OTOG: variants seen among roughly 807,000 people sequenced by gnomAD.
The protein encoded by OTOG is otogelin.
Under a neutral mutation model 313.8 loss-of-function variants are expected in OTOG, and 296 were observed. That is an observed-to-expected ratio of 0.94 (90% CI 0.86 to 1.04). The LOEUF (loss-of-function observed/expected upper bound fraction) is 1.04. Ranked by LOEUF, OTOG falls within the 50% of genes least tolerant of loss-of-function variation. The pLI, the probability that OTOG is intolerant of heterozygous loss-of-function variation, is 0.00. For missense variants in OTOG, 3,948 were observed against 3,840.1 expected (o/e 1.03, Z -0.74); for synonymous variants, 1,533 against 1,554.9 (o/e 0.99, Z 0.33).
Position 17,611,211 on chromosome 11 carries a change from G to A in OTOG, c.5911G>A (p.Ala1971Thr), listed in dbSNP as rs1158345720. Residue 1971 changes from alanine to threonine, a missense_variant, in exon 36 of 56, where the codon GCC (alanine) becomes ACC (threonine). Physicochemically the swap from Ala to Thr is moderately conservative, Grantham distance 58. Coordinates refer to ENST00000399397, the MANE Select transcript of OTOG (RefSeq NM_001292063.2). ...ATCCTATGCCCTGAGCCGTGTCTCA[G>A]CCAGGACGGCCCCCCAAGACAGCAT... ...PTSYALSRVSARTAPQDSMLV... is the reference protein window; with the variant it reads ...PTSYALSRVSTRTAPQDSMLV... The A allele has an allele frequency of 6.4e-7, 1 of 1,550,542 alleles. No individual in the cohort carries two copies. Among genetic ancestry groups the A allele is most frequent in the African/African-American group, 1.4e-5 (1 of 73,172 alleles).
At chr11:17,576,936 C>T in intron 22 of OTOG, 25 bp downstream of exon 22, 2 of 1,548,026 alleles carry the variant, frequency 1.3e-6, no homozygotes, top group Non-Finnish European at 1.7e-6. Context: ...AGGGGTGGAG[C>T]CCTTCTGGGG....
chr11:17,638,791 T>C (rs748622600), intron 48 of OTOG: 1 of 1,505,290 alleles, frequency 6.6e-7, no homozygotes, highest in South Asian at 1.2e-5. Context: ...CAAAGAGGGT[T>C]TCCGTCTTAA....
chr11:17,548,637 C>T (rs557596991), intron 3 of OTOG, among the ~76,000 whole-genome samples: 4 of 152,108 alleles, frequency 2.6e-5, no homozygotes, highest in African/African-American at 9.6e-5. Flanking sequence ...AGAATGCAGG[C>T]AAGACAAAAA....
At chr11:17,587,083 G>A (rs1180149984) in intron 24 of OTOG, among the ~76,000 whole-genome samples, 1 of 152,228 alleles carries the variant, frequency 6.6e-6, no homozygotes, top group African/African-American at 2.4e-5. Flanking sequence ...GTGGATGTAT[G>A]TTTTTAATGG....
At chr11:17,552,922 C>T (rs192129505) in intron 4 of OTOG, among the ~76,000 whole-genome samples, 197 bp from the exon 5 acceptor site, 8 of 152,332 alleles carry the variant, frequency 5.3e-5, no homozygotes, top group Admixed American at 2.6e-4. Context: ...AGATGCCCTG[C>T]GACCCCACCC....
intron 46 of OTOG, 110 bp from the exon 47 acceptor site, chr11:17,635,500 A>G: frequency 1.3e-6 from 1 of 798,042 alleles, no homozygotes. Context: ...GCCATTAGTT[A>G]GCTCCTGCCA....
rs1852076605 is a variant in OTOG, at chr11:17,557,255, T to C, written c.797T>C (p.Leu266Pro). 1 of 1,550,500 alleles carries C rather than the reference T, an allele frequency of 6.4e-7. No homozygotes were observed. The highest frequency in any genetic ancestry group is 2.0e-5 in the Admixed American group (1 of 50,990). Residue 266 changes from leucine (L) to proline (P), a missense_variant, in exon 8 of 56, where the codon CTG (leucine) becomes CCG (proline). By Grantham distance (98) the Leu-to-Pro change is moderately conservative. Coordinates refer to ENST00000399397, the MANE Select transcript of OTOG (RefSeq NM_001292063.2). ...TACATCAAGATGAGTCCAGAGCTTC[T>C]GGGCTGGACCCATGGGCTGTGTGGG... ...AVYIKMSPEL[L>P]GWTHGLCGNN... is the part of the protein sequence containing the mutation.
chr11:17,620,082 A>T (rs1449186165), intron 39 of OTOG, among the ~76,000 whole-genome samples: 1 of 151,816 alleles, frequency 6.6e-6, no homozygotes, highest in Non-Finnish European at 1.5e-5. Flanking sequence ...TCTTTTTTTT[A>T]TTGAGGAGAA....
chr11:17,641,116 G>T lies in OTOG; in HGVS notation c.8190+25G>T. On this transcript the variant is annotated intron_variant, in intron 51 of 55. Coordinates refer to ENST00000399397, the MANE Select transcript of OTOG (RefSeq NM_001292063.2). ...GGTAGGGTGCAGCCCAGGGCGGGGTGGGTGGGGTTGGGAGGGCTTGCCTGG... is the reference window on the plus strand; with the variant it reads ...GGTAGGGTGCAGCCCAGGGCGGGGTTGGTGGGGTTGGGAGGGCTTGCCTGG... The T allele has an allele frequency of 2.0e-6, 3 of 1,502,556 alleles. No individual in the cohort carries two copies. In the South Asian group the frequency reaches 3.7e-5, roughly 18 times the overall value. 93.1% of individuals were successfully genotyped at this position (1,502,556 alleles called of 1,614,324 possible).
chr11:17,613,576 G>A lies in OTOG; in HGVS notation c.6439-36G>A. On this transcript the variant is annotated intron_variant, in intron 38 of 55. Transcript: ENST00000399397. ...TCACTTGGAGGGGGACAGAGGACAG[G>A]GCTCCAAGTTGATGAGGGCTGGGTT... 3.9e-6 allele frequency: 6 copies of A among 1,520,888 alleles called. No individual in the cohort carries two copies. In the Admixed American group the frequency reaches 7.9e-5, roughly 20 times the overall value. The allele number at this position is 1,520,888 out of a possible 1,614,324, so 94.2% of individuals were successfully genotyped here.
intron 31 of OTOG, among the ~76,000 whole-genome samples, chr11:17,601,935 T>C (rs1590033854): frequency 6.6e-6 from 1 of 152,148 alleles, no homozygotes; most frequent in African/African-American, 2.4e-5. Flanking sequence ...GGGGCCCAGG[T>C]GCTCCCTGTG....
At position 17,586,599 on chromosome 11, in the gene OTOG, G is replaced by A. The variant is rs768318187; in HGVS notation, c.2867+18G>A. 5 of 1,341,160 alleles carry A rather than the reference G, an allele frequency of 3.7e-6. No individual in the cohort carries two copies. Among genetic ancestry groups the A allele is most frequent in the Non-Finnish European group, 4.8e-6 (5 of 1,033,516 alleles). 83.1% of individuals were successfully genotyped at this position (1,341,160 alleles called of 1,614,324 possible). Reference sequence around the variant, plus strand: ...CATACCTGGTAAGTGAGGGTCCCAAGCAGGCTTTGCTTTTTTGCTGGGAGG... The same window carrying A: ...CATACCTGGTAAGTGAGGGTCCCAAACAGGCTTTGCTTTTTTGCTGGGAGG... On this transcript the variant is annotated intron_variant, in intron 24 of 55. Transcript: ENST00000399397.
At chr11:17,577,546 T>C (rs10832804) in intron 22 of OTOG, among the ~76,000 whole-genome samples, 63,034 of 152,028 alleles carry the variant, frequency 0.41, 13,394 homozygotes, top group African/African-American at 0.45. Flanking sequence ...AAATCTTCCC[T>C]GGCACTCACT....
In OTOG at chr11:17,605,922, G is replaced by A. The variant is rs746679703; in HGVS notation, c.3943G>A (p.Gly1315Arg). Reference protein sequence around the residue: ...PNFFLHVTANGSLELAKWQGR... With the variant: ...PNFFLHVTANRSLELAKWQGR... ...CTTCTTCCTTCACGTCACAGCCAAC[G>A]GGTCTCTGGAGCTGGCTAAGTGGCA... is the stretch of plus-strand genomic sequence containing the variant. Residue 1315 changes from glycine (G) to arginine (R), a missense_variant, in exon 33 of 56, where the codon GGG becomes AGG. Gly to Arg is a moderately radical substitution (Grantham distance 125, BLOSUM62 -2). Coordinates refer to ENST00000399397, the MANE Select transcript of OTOG (RefSeq NM_001292063.2). 5.2e-6 allele frequency: 8 copies of A among 1,550,566 alleles called. No individual in the cohort carries two copies. In the South Asian group the frequency reaches 5.9e-5, roughly 12 times the overall value.
At chr11:17,552,458 T>C (rs1056356487) in intron 4 of OTOG, among the ~76,000 whole-genome samples, 24 of 114,688 alleles carry the variant, frequency 2.1e-4, no homozygotes, top group African/African-American at 8.7e-4. Flanking sequence ...CCCTGTCCTG[T>C]GTCCATGGTC....
intron 20 of OTOG, among the ~76,000 whole-genome samples, chr11:17,575,820 T>C (rs1319210261): frequency 6.6e-6 from 1 of 152,146 alleles, no homozygotes; most frequent in African/African-American, 2.4e-5. Flanking sequence ...GAAAGGGGTC[T>C]GTGTGGCTTA....
intron 23 of OTOG, 63 bp downstream of exon 23, chr11:17,578,589 G>T: frequency 1.4e-6 from 2 of 1,459,392 alleles, no homozygotes; most frequent in East Asian, 2.5e-5. Context: ...GGGCCACAGG[G>T]TGGAGTGGGG....
At chr11:17,643,045 A>C (rs1259254134) in intron 53 of OTOG, among the ~76,000 whole-genome samples, 1 of 151,852 alleles carries the variant, frequency 6.6e-6, no homozygotes, top group Non-Finnish European at 1.5e-5. Context: ...CATTTTAGAG[A>C]TGGGAAAATT....
intron 32 of OTOG, among the ~76,000 whole-genome samples, chr11:17,603,474 C>T (rs1463207616): frequency 6.6e-6 from 1 of 152,124 alleles, no homozygotes; most frequent in African/African-American, 2.4e-5. Flanking sequence ...TATGGGCATG[C>T]TAAGCAGAAC....
Sources: gnomAD v4.1 joint callset for allele counts (sites outside exome capture counted in the v4.1 genomes callset) on GRCh38, gnomAD v4.1.1 for gene constraint, MANE v1.5 for transcripts, NCBI Gene and HGNC (gene_info 2026-07-23, HGNC 2026-07-21) for gene names.